Variants in KCTD8 observed in about 807,000 individuals in gnomAD.
KCTD8 encodes the protein BTB/POZ domain-containing protein KCTD8.
A neutral mutation model predicts 31.5 loss-of-function variants in KCTD8; 27 were observed. That is an observed-to-expected ratio of 0.86 (90% CI 0.63 to 1.18). KCTD8 has a LOEUF of 1.18. Ranked by LOEUF, KCTD8 falls within the 50% of genes most tolerant of loss-of-function variation. KCTD8 has a pLI of 0.00. For synonymous variants in KCTD8, 290 were observed against 280.0 expected (o/e 1.04, Z -0.36); for missense variants, 658 against 647.7 (o/e 1.02, Z -0.17).
intron 1 of KCTD8, among the ~76,000 whole-genome samples, chr4:44,254,425 G>A (rs1398851120): frequency 1.3e-5 from 2 of 151,860 alleles, no homozygotes; most frequent in Non-Finnish European, 2.9e-5. Context: ...GCTTGTAGGA[G>A]GCAATCTCTG....
rs562820145 is a variant in KCTD8 at position 44,430,342 on chromosome 4, T to C, written c.961+17221A>G. ...ATTTCCAGGAGTGTCACTGCAGTTA[T>C]AAAACTGTAATCTAAACTAAATAAC... On this transcript the variant is annotated intron_variant, in intron 1 of 1. Transcript: ENST00000360029. Among the ~76,000 whole-genome samples, 127 of 151,730 alleles carry C rather than the reference T, an allele frequency of 8.4e-4. 1 individual carries two copies. In the South Asian group the frequency reaches 0.026, roughly 31 times the overall value.
intron 1 of KCTD8, among the ~76,000 whole-genome samples, chr4:44,214,319 G>A (rs1479940342): frequency 6.6e-6 from 1 of 152,150 alleles, no homozygotes; most frequent in African/African-American, 2.4e-5. Context: ...CCCTACACAT[G>A]TAAACTCTTT....
intron 1 of KCTD8, among the ~76,000 whole-genome samples, chr4:44,211,243 T>A (rs778394949): frequency 6.6e-6 from 1 of 152,216 alleles, no homozygotes; most frequent in Admixed American, 6.5e-5. Context: ...CTAAACTTTA[T>A]CAGTAACCTT....
rs112062269 is a variant in KCTD8, at chr4:44,323,508, C to T, written c.961+124055G>A. On this transcript the variant is annotated intron_variant, in intron 1 of 1. Coordinates refer to ENST00000360029, the MANE Select transcript of KCTD8 (RefSeq NM_198353.3). ...AAACTCCATCCCCACCCACCCCCCC[C>T]CAAAAAAAATTAAAAATTAAAAAAA... 2.1e-4 allele frequency among the ~76,000 whole-genome samples: 28 copies of T among 136,398 alleles called. 1 individual carries two copies. The highest frequency in any genetic ancestry group is 7.6e-4 in the African/African-American group (28 of 37,048). 89.5% of individuals were successfully genotyped at this position (136,398 alleles called of 152,430 possible).
At chr4:44,386,132 A>C (rs1169256076) in intron 1 of KCTD8, among the ~76,000 whole-genome samples, 2 of 151,636 alleles carry the variant, frequency 1.3e-5, no homozygotes, top group Non-Finnish European at 3.0e-5. Flanking sequence ...GATGGAAAAC[A>C]GGATGTTGAT....
intron 1 of KCTD8, among the ~76,000 whole-genome samples, chr4:44,431,286 T>A (rs2109477529): frequency 6.6e-6 from 1 of 151,656 alleles, no homozygotes; most frequent in East Asian, 2.0e-4. Context: ...GTTTCTCTCC[T>A]ATCCACCCCT....
chr4:44,264,674 C>A (rs1716283714), intron 1 of KCTD8, among the ~76,000 whole-genome samples: 1 of 152,194 alleles, frequency 6.6e-6, no homozygotes, highest in African/African-American at 2.4e-5. Context: ...AATCGGGTCA[C>A]TCCCCCCCGA....
At chr4:44,281,749 C>T (rs1716910744) in intron 1 of KCTD8, among the ~76,000 whole-genome samples, 1 of 152,076 alleles carries the variant, frequency 6.6e-6, no homozygotes, top group Non-Finnish European at 1.5e-5. Context: ...CAAGACGAGA[C>T]AACTTTAATA....
At chr4:44,348,307 A>G (rs767896878) in intron 1 of KCTD8, among the ~76,000 whole-genome samples, 1 of 152,202 alleles carries the variant, frequency 6.6e-6, no homozygotes, top group East Asian at 1.9e-4. Flanking sequence ...AATAAATGCA[A>G]TAATGCCGCT....
At chr4:44,212,912 CTT>C (rs1050135965) in intron 1 of KCTD8, among the ~76,000 whole-genome samples, 1 of 151,926 alleles carries the variant, frequency 6.6e-6, no homozygotes, top group South Asian at 2.1e-4. Context: ...TGCATTCACT[CTT>C]CTTTTGTCTT....
At chr4:44,399,120 G>A (rs142254858) in intron 1 of KCTD8, among the ~76,000 whole-genome samples, 4 of 152,274 alleles carry the variant, frequency 2.6e-5, no homozygotes, top group African/African-American at 9.6e-5. Flanking sequence ...CAGAGGCCAG[G>A]ATAGGAGAGT....
At chr4:44,270,083 C>G (rs1481810937) in intron 1 of KCTD8, among the ~76,000 whole-genome samples, 1 of 152,102 alleles carries the variant, frequency 6.6e-6, no homozygotes, top group Admixed American at 6.5e-5. Flanking sequence ...TATAAAGACA[C>G]ATGCACACAT....
intron 1 of KCTD8, among the ~76,000 whole-genome samples, chr4:44,188,914 A>G (rs531380790): frequency 7.9e-5 from 12 of 152,292 alleles, no homozygotes; most frequent in African/African-American, 2.9e-4. Context: ...AGTCTGTGAG[A>G]GAATAAATTT....
Position 44,222,798 on chromosome 4 carries a change from G to A in KCTD8, c.962-47548C>T, listed in dbSNP as rs1714844844. On this transcript the variant is annotated intron_variant, in intron 1 of 1. Transcript: ENST00000360029. The stretch of plus-strand genomic sequence containing the variant: ...AGATTAGGAAAGAGCTGGGCAGGAA[G>A]AAGAGAAAACAAAAATACTTGGAAG... Among the ~76,000 whole-genome samples, 5 of 152,266 alleles carry A rather than the reference G, an allele frequency of 3.3e-5. No homozygotes were observed. In the South Asian group the frequency reaches 8.3e-4, roughly 25 times the overall value.
intron 1 of KCTD8, among the ~76,000 whole-genome samples, chr4:44,285,703 C>T (rs914258047): frequency 6.6e-6 from 1 of 152,056 alleles, no homozygotes; most frequent in Non-Finnish European, 1.5e-5. Flanking sequence ...GTGTTGTTTT[C>T]CCGCCTGCTA....
At chr4:44,374,923 G>C (rs1000454145) in intron 1 of KCTD8, among the ~76,000 whole-genome samples, 5 of 152,106 alleles carry the variant, frequency 3.3e-5, no homozygotes, top group African/African-American at 1.2e-4. Context: ...CATGAAGTGA[G>C]CGCATGCTGT....
At chr4:44,373,450 C>T (rs999188397) in intron 1 of KCTD8, among the ~76,000 whole-genome samples, 27 of 152,042 alleles carry the variant, frequency 1.8e-4, no homozygotes, top group African/African-American at 6.5e-4. Flanking sequence ...AACTCACTCA[C>T]TCTATGATTC....
At chr4:44,250,048 C>T (rs1161593930) in intron 1 of KCTD8, among the ~76,000 whole-genome samples, 1 of 151,734 alleles carries the variant, frequency 6.6e-6, no homozygotes, top group African/African-American at 2.4e-5. Context: ...GTTTATCACT[C>T]AACATCATTT....
intron 1 of KCTD8, among the ~76,000 whole-genome samples, chr4:44,362,591 T>A (rs1437631114): frequency 2.0e-5 from 3 of 152,004 alleles, no homozygotes; most frequent in African/African-American, 7.2e-5. Context: ...CATCATGAAG[T>A]GATTATAAAA....
Sources: gnomAD v4.1 joint callset for allele counts (sites outside exome capture counted in the v4.1 genomes callset) on GRCh38, gnomAD v4.1.1 for gene constraint, MANE v1.5 for transcripts, NCBI Gene and HGNC (gene_info 2026-07-23, HGNC 2026-07-21) for gene names.